The following SLX4IP variants were observed in gnomAD, a reference collection of about 807,000 sequenced individuals.
SLX4IP encodes the protein protein SLX4IP.
A neutral mutation model predicts 32.9 loss-of-function variants in SLX4IP; 34 were observed. The ratio of observed to expected loss-of-function variants is 1.03; its 90% CI spans 0.79 to 1.38. SLX4IP has a LOEUF of 1.38. SLX4IP is among the 40% of genes most tolerant of loss of function. The pLI, the probability that SLX4IP is intolerant of heterozygous loss-of-function variation, is 0.00. For synonymous variants in SLX4IP, 172 were observed against 171.7 expected (o/e 1.00, Z -0.01); for missense variants, 444 against 479.0 (o/e 0.93, Z 0.68).
chr20:10,453,262 T>A (rs2065257689), intron 1 of SLX4IP, among the ~76,000 whole-genome samples: 1 of 151,962 alleles, frequency 6.6e-6, no homozygotes. Context: ...CATGTACCTG[T>A]CCTAATTCAA....
rs1291594433 is a variant in SLX4IP at position 10,499,214 on chromosome 20, A to C, written c.27+40983A>C. ...TGGACTTTTATAGCTTACTCTCTTT[A>C]GTTAAATGACAGACACTTGTCTATC... On this transcript the variant is annotated intron_variant, in intron 2 of 7. Coordinates refer to ENST00000334534, the MANE Select transcript of SLX4IP (RefSeq NM_001009608.3). Among the ~76,000 whole-genome samples, 8 of 152,186 alleles carry C rather than the reference A, an allele frequency of 5.3e-5. No individual in the cohort carries two copies. In the East Asian group the frequency reaches 9.7e-4, roughly 18 times the overall value.
At position 10,611,878 on chromosome 20, in the gene SLX4IP, C is replaced by G. The variant is rs1237730791; in HGVS notation, c.406-9436C>G. 1.3e-5 allele frequency among the ~76,000 whole-genome samples: 2 copies of G among 152,204 alleles called. 1 individual carries two copies. Among genetic ancestry groups the G allele is most frequent in the South Asian group, 4.1e-4 (2 of 4,832 alleles). ...AGGACTGGAGCCAAAGTGCTCTTCTCTTTCTATAAGTCCATATCTAACCAT... is the reference window on the plus strand; with the variant it reads ...AGGACTGGAGCCAAAGTGCTCTTCTGTTTCTATAAGTCCATATCTAACCAT... On this transcript the variant is annotated intron_variant, in intron 6 of 7. Coordinates refer to ENST00000334534, the MANE Select transcript of SLX4IP (RefSeq NM_001009608.3).
At chr20:10,466,599 C>T (rs116146148) in intron 2 of SLX4IP, among the ~76,000 whole-genome samples, 2,033 of 152,196 alleles carry the variant, frequency 0.013, 36 homozygotes, top group African/African-American at 0.045. Context: ...AGGAAAAACT[C>T]GGACCCGCCA....
At chr20:10,484,271 T>A (rs1568703053) in intron 2 of SLX4IP, among the ~76,000 whole-genome samples, 1 of 152,186 alleles carries the variant, frequency 6.6e-6, no homozygotes. Context: ...TAGCAAAATA[T>A]AGCATCTAGT....
chr20:10,600,900 A>T (rs1235751184), intron 5 of SLX4IP, among the ~76,000 whole-genome samples: 1 of 152,204 alleles, frequency 6.6e-6, no homozygotes, highest in Non-Finnish European at 1.5e-5. Flanking sequence ...CGCCTGGAAC[A>T]TACCCTGTTG....
intron 1 of SLX4IP, among the ~76,000 whole-genome samples, chr20:10,451,102 G>T (rs1227663595): frequency 6.6e-6 from 1 of 151,640 alleles, no homozygotes; most frequent in African/African-American, 2.4e-5. Flanking sequence ...ATAATTTTGA[G>T]TTAGGTATTA....
In SLX4IP at chr20:10,512,648, T is replaced by C. The variant is rs368728620; in HGVS notation, c.28-43583T>C. Among the ~76,000 whole-genome samples the C allele has an allele frequency of 7.7e-5, 11 of 142,130 alleles. No individual in the cohort carries two copies. The East Asian group carries it at 2.2e-3, about 28-fold the overall frequency. 93.2% of individuals were successfully genotyped at this position (142,130 alleles called of 152,430 possible). ...TATATATTATATATAGTATATATAG[T>C]ATTTTTTATATATAGTATATATATT... On this transcript the variant is annotated intron_variant, in intron 2 of 7. Coordinates refer to ENST00000334534, the MANE Select transcript of SLX4IP (RefSeq NM_001009608.3).
chr20:10,442,809 G>A (rs979123822), intron 1 of SLX4IP, among the ~76,000 whole-genome samples: 6 of 152,302 alleles, frequency 3.9e-5, no homozygotes, highest in Non-Finnish European at 7.3e-5. Context: ...GTGCACACTT[G>A]CTTTTTAATG....
chr20:10,472,433 T>C (rs976526664), intron 2 of SLX4IP, among the ~76,000 whole-genome samples: 3 of 152,078 alleles, frequency 2.0e-5, no homozygotes, highest in African/African-American at 7.2e-5. Context: ...AGTTTCACAG[T>C]GTTAGCCAGG....
chr20:10,462,785 A>G (rs2065348714), intron 2 of SLX4IP, among the ~76,000 whole-genome samples: 1 of 152,238 alleles, frequency 6.6e-6, no homozygotes, highest in Admixed American at 6.5e-5. Context: ...TAGAAAGTGT[A>G]AGGGTGGAAA....
At chr20:10,452,691 A>G (rs531757182) in intron 1 of SLX4IP, among the ~76,000 whole-genome samples, 1 of 145,986 alleles carries the variant, frequency 6.8e-6, no homozygotes, top group African/African-American at 2.5e-5. Flanking sequence ...ATATATATAT[A>G]TATATGTAAA....
At chr20:10,549,021 G>A (rs2066192191) in intron 2 of SLX4IP, among the ~76,000 whole-genome samples, 1 of 152,138 alleles carries the variant, frequency 6.6e-6, no homozygotes, top group Non-Finnish European at 1.5e-5. Flanking sequence ...TAAACTACAA[G>A]CTTGGATTTC....
intron 4 of SLX4IP, among the ~76,000 whole-genome samples, chr20:10,581,121 G>T (rs1937738823): frequency 6.6e-6 from 1 of 152,086 alleles, no homozygotes; most frequent in Non-Finnish European, 1.5e-5. Context: ...AATGCATGGG[G>T]AAGGGGTTTG....
At position 10,625,875 on chromosome 20, in the gene SLX4IP, G is replaced by C. The variant is rs1278085833; in HGVS notation, c.*2496G>C. On this transcript the variant is annotated 3_prime_UTR_variant, in exon 8 of 8. Coordinates refer to ENST00000334534, the MANE Select transcript of SLX4IP (RefSeq NM_001009608.3). ...AACACCCCTGGCTCTCTTGTTATTT[G>C]AGTGGTTGCATGATTCTTTGGATAT... is the stretch of plus-strand genomic sequence containing the variant. The C allele has an allele frequency of 6.6e-6, 1 of 152,106 alleles. No individual in the cohort carries two copies. The highest frequency in any genetic ancestry group is 1.5e-5 in the Non-Finnish European group (1 of 68,034). The allele number at this position is 152,106 out of a possible 1,614,324, so 9.4% of individuals were successfully genotyped here.
intron 2 of SLX4IP, among the ~76,000 whole-genome samples, chr20:10,511,449 C>T (rs1440029099): frequency 6.6e-6 from 1 of 152,214 alleles, no homozygotes; most frequent in Non-Finnish European, 1.5e-5. Context: ...GACAGTAAGG[C>T]GATCAGGCTT....
chr20:10,567,864 A>C (rs2066414504), intron 4 of SLX4IP, among the ~76,000 whole-genome samples: 1 of 152,192 alleles, frequency 6.6e-6, no homozygotes, highest in South Asian at 2.1e-4. Context: ...GAGTGAGGTT[A>C]TATCATCACA....
chr20:10,502,817 A>G (rs1474209578), intron 2 of SLX4IP, among the ~76,000 whole-genome samples: 1 of 151,648 alleles, frequency 6.6e-6, no homozygotes, highest in African/African-American at 2.4e-5. Flanking sequence ...TGCAAGCTTC[A>G]TGAAGACAGG....
intron 6 of SLX4IP, among the ~76,000 whole-genome samples, chr20:10,608,412 T>C (rs991037904): frequency 6.6e-6 from 1 of 151,964 alleles, no homozygotes; most frequent in Non-Finnish European, 1.5e-5. Context: ...ATGCCTGTAA[T>C]CCCAGCACTT....
intron 1 of SLX4IP, among the ~76,000 whole-genome samples, chr20:10,453,296 TA>T (rs1256690874): frequency 5.1e-5 from 6 of 118,298 alleles, no homozygotes; most frequent in Non-Finnish European, 1.2e-4. Flanking sequence ...ACGAGTTGTC[TA>T]AAACTCATCC....
Sources: gnomAD v4.1 joint callset for allele counts (sites outside exome capture counted in the v4.1 genomes callset) on GRCh38, gnomAD v4.1.1 for gene constraint, MANE v1.5 for transcripts, NCBI Gene and HGNC (gene_info 2026-07-23, HGNC 2026-07-21) for gene names.